The following ATP13A3 variants were observed in gnomAD, a reference collection of about 807,000 sequenced individuals.
The protein encoded by ATP13A3 is polyamine-transporting ATPase 13A3.
A neutral mutation model predicts 158.1 loss-of-function variants in ATP13A3; 59 were observed. That is an observed-to-expected ratio of 0.37 (90% CI 0.30 to 0.46). ATP13A3 has a LOEUF of 0.46. Among genes scored for constraint, ATP13A3 ranks in the 20% least tolerant of loss-of-function variants. The probability of loss-of-function intolerance (pLI) is 1.00; values close to 1 mark genes in which losing one functional copy is unlikely to be tolerated. For missense variants in ATP13A3, 1,166 were observed against 1,525.2 expected (o/e 0.76, Z 3.92); for synonymous variants, 491 against 504.3 (o/e 0.97, Z 0.35).
rs186524934 is a variant in ATP13A3, at chr3:194,432,597, G to T, written c.2246-705C>A. Among the ~76,000 whole-genome samples the T allele has an allele frequency of 3.2e-4, 48 of 152,240 alleles. No homozygotes were observed. The East Asian group carries it at 4.8e-3, about 15-fold the overall frequency. ...GAAAATAAATAAATAAATAAAAGAGGAGGACGAGGAACAGGTGAAAAGTGT... is the reference window on the plus strand; with the variant it reads ...GAAAATAAATAAATAAATAAAAGAGTAGGACGAGGAACAGGTGAAAAGTGT... On this transcript the variant is annotated intron_variant, in intron 21 of 33. Coordinates refer to ENST00000645319, the MANE Select transcript of ATP13A3 (RefSeq NM_001367549.1).
intron 2 of ATP13A3, among the ~76,000 whole-genome samples, chr3:194,470,371 C>T (rs1344753271): frequency 2.6e-5 from 4 of 152,062 alleles, no homozygotes; most frequent in Non-Finnish European, 4.4e-5. Flanking sequence ...GTATTAGGAT[C>T]AATATGAAGA....
intron 33 of ATP13A3, among the ~76,000 whole-genome samples, chr3:194,407,826 G>A (rs1342556333): frequency 6.6e-6 from 1 of 152,060 alleles, no homozygotes; most frequent in Non-Finnish European, 1.5e-5. Context: ...AGGTACAGAA[G>A]TCACTATGTA....
intron 32 of ATP13A3, 22 bp from the exon 33 acceptor site, chr3:194,412,310 T>C (rs1458220348): frequency 1.3e-6 from 2 of 1,506,686 alleles, no homozygotes; most frequent in Non-Finnish European, 1.8e-6. Context: ...TCCAGTGAGT[T>C]AAGAATTAAT....
rs551858458 is a variant in ATP13A3 at position 194,426,946 on chromosome 3, A to G, written c.3125+129T>C. The G allele has an allele frequency of 3.1e-5, 30 of 967,112 alleles. No individual in the cohort carries two copies. The Admixed American group carries it at 9.2e-4, about 30-fold the overall frequency. The allele number at this position is 967,112 out of a possible 1,614,324, so 59.9% of individuals were successfully genotyped here. A position where few individuals can be genotyped will look rare whatever the true frequency, so the allele number is the denominator to read the frequency against. The stretch of plus-strand genomic sequence containing the variant: ...TGATCTACCTGCCTCGGCCTCCCCA[A>G]AGTACTAGGACTACAGGTGTGAGCC... On this transcript the variant is annotated intron_variant, in intron 29 of 33. Coordinates refer to ENST00000645319, the MANE Select transcript of ATP13A3 (RefSeq NM_001367549.1).
At chr3:194,422,397 T>TTTGATA (rs974406970) in intron 30 of ATP13A3, among the ~76,000 whole-genome samples, 10 of 152,238 alleles carry the variant, frequency 6.6e-5, no homozygotes, top group Non-Finnish European at 1.0e-4. Context: ...ACAAACTGTG[T>TTTGATA]GTCACTGGTG....
intron 13 of ATP13A3, among the ~76,000 whole-genome samples, chr3:194,447,546 C>T (rs1718488052): frequency 1.3e-5 from 2 of 151,050 alleles, no homozygotes; most frequent in African/African-American, 2.4e-5. Flanking sequence ...GAAAATAAAG[C>T]TTTTGGTGAT....
chr3:194,453,556 G>T (rs76316182), intron 10 of ATP13A3, 150 bp downstream of exon 10: 76 of 623,438 alleles, frequency 1.2e-4, no homozygotes, highest in Non-Finnish European at 1.5e-4. Flanking sequence ...CTGAGATTGT[G>T]CCTTTGCACT....
chr3:194,466,479 C>T (rs533179272), intron 2 of ATP13A3, among the ~76,000 whole-genome samples: 1 of 152,242 alleles, frequency 6.6e-6, no homozygotes, highest in African/African-American at 2.4e-5. Flanking sequence ...GACACTGATA[C>T]ACCAACTTTT....
At chr3:194,476,247 C>T (rs1720517950) in intron 2 of ATP13A3, among the ~76,000 whole-genome samples, 1 of 152,076 alleles carries the variant, frequency 6.6e-6, no homozygotes, top group African/African-American at 2.4e-5. Flanking sequence ...ATTCCTCAGG[C>T]TCTTCTCTTT....
chr3:194,459,390 G>A, intron 6 of ATP13A3, 81 bp downstream of exon 6: 1 of 923,912 alleles, frequency 1.1e-6, no homozygotes, highest in Non-Finnish European at 1.7e-6. Context: ...GCAATTTTAT[G>A]AATACTAGAA....
At chr3:194,474,476 T>C (rs571681309) in intron 2 of ATP13A3, among the ~76,000 whole-genome samples, 37 of 152,274 alleles carry the variant, frequency 2.4e-4, no homozygotes, top group African/African-American at 7.9e-4. Context: ...CATGGGCACT[T>C]AATATAATAG....
intron 2 of ATP13A3, among the ~76,000 whole-genome samples, chr3:194,472,701 T>C (rs959747949): frequency 2.0e-5 from 3 of 152,214 alleles, no homozygotes; most frequent in Non-Finnish European, 4.4e-5. Context: ...TGCACTCATA[T>C]GTTCATCACA....
chr3:194,489,834 G>A (rs1213411109), upstream of ATP13A3, among the ~76,000 whole-genome samples: 1 of 152,172 alleles, frequency 6.6e-6, no homozygotes, highest in African/African-American at 2.4e-5. This position sits in a 1 kb window ranked among gnomAD's most constrained non-coding sequence, Gnocchi z 4.1. Context: ...AAAGGCTTGA[G>A]CATGTTTATG....
intron 29 of ATP13A3, among the ~76,000 whole-genome samples, chr3:194,426,432 T>G (rs1716779974): frequency 6.6e-6 from 1 of 152,216 alleles, no homozygotes; most frequent in South Asian, 2.1e-4. Flanking sequence ...ATTTTTCCCC[T>G]TAAGTTTTAA....
At chr3:194,411,117 A>G (rs1469688007) in intron 33 of ATP13A3, among the ~76,000 whole-genome samples, 1 of 152,092 alleles carries the variant, frequency 6.6e-6, no homozygotes, top group Non-Finnish European at 1.5e-5. Flanking sequence ...ACCATAAAGC[A>G]TTAGAAAACG....
At chr3:194,492,465 T>TC (rs1242939366) in intron 2 of ATP13A3, among the ~76,000 whole-genome samples, 1 of 151,882 alleles carries the variant, frequency 6.6e-6, no homozygotes, top group African/African-American at 2.4e-5. Context: ...GTGTACTTTT[T>TC]TTTTTTTTTT....
At chr3:194,484,553 AC>A (rs1720889932) in intron 2 of ATP13A3, among the ~76,000 whole-genome samples, 1 of 147,884 alleles carries the variant, frequency 6.8e-6, no homozygotes, top group Non-Finnish European at 1.5e-5. Context: ...AGTGATGGGG[AC>A]GCCCTATGGA....
intron 13 of ATP13A3, 133 bp from the exon 14 acceptor site, chr3:194,447,248 A>G (rs920946586): frequency 1.4e-6 from 1 of 699,664 alleles, no homozygotes; most frequent in Non-Finnish European, 2.3e-6. Context: ...GTGTATATAC[A>G]TATCTATTAA....
intron 21 of ATP13A3, among the ~76,000 whole-genome samples, chr3:194,432,508 A>G (rs1213727311): frequency 2.0e-5 from 3 of 152,192 alleles, no homozygotes. Flanking sequence ...CTCAATTTCC[A>G]CACACTATTT....
Sources: gnomAD v4.1 joint callset for allele counts (sites outside exome capture counted in the v4.1 genomes callset) on GRCh38, gnomAD v4.1.1 for gene constraint, Gnocchi (gnomAD v3.1) non-coding constraint, MANE v1.5 for transcripts, NCBI Gene and HGNC (gene_info 2026-07-23, HGNC 2026-07-21) for gene names.